Variants in SMIM36 observed in about 807,000 individuals in gnomAD.
The protein encoded by SMIM36 is small integral membrane protein 36.
chr17:55,496,541 C>A (rs1553677), intron 1 of SMIM36, among the ~76,000 whole-genome samples: 1 of 151,986 alleles, frequency 6.6e-6, no homozygotes, highest in African/African-American at 2.4e-5. Context: ...AACTGTACAA[C>A]AGAGGTAGAT....
chr17:55,494,289 G>A (rs959513914), intron 1 of SMIM36, among the ~76,000 whole-genome samples: 3 of 152,054 alleles, frequency 2.0e-5, no homozygotes, highest in East Asian at 1.9e-4. Flanking sequence ...AAAGGACTAG[G>A]ATTTACAAAC....
intron 1 of SMIM36, among the ~76,000 whole-genome samples, chr17:55,497,255 T>C (rs1237062275): frequency 2.6e-5 from 4 of 152,014 alleles, no homozygotes; most frequent in Middle Eastern, 3.2e-3. Context: ...TCTACCTTCT[T>C]ATTTATTTAT....
At chr17:55,511,164 G>A in exon 1 of SMIM36, 1 of 398,638 alleles carries the variant, frequency 2.5e-6, no homozygotes, top group Non-Finnish European at 4.4e-6. Context: ...CCAACCGGAT[G>A]GAGGGCTGGG....
rs1219201863 is a variant in SMIM36 at position 55,488,759 on chromosome 17, AG to A, written c.*175-9180del. ...TATAGACTTACTCAACTTTTTCCAT[AG>A]AGGACATTTTTGCAAGTGGACCTGC... On this transcript the variant is annotated intron_variant, in intron 1 of 4. Coordinates refer to ENST00000636752, the Ensembl canonical transcript of SMIM36. 2.6e-5 allele frequency among the ~76,000 whole-genome samples: 4 copies of A among 152,302 alleles called. No individual in the cohort carries two copies. In the East Asian group the frequency reaches 5.8e-4, roughly 22 times the overall value.
intron 4 of SMIM36, among the ~76,000 whole-genome samples, chr17:55,460,456 A>C (rs917648844): frequency 6.9e-6 from 1 of 145,782 alleles, no homozygotes; most frequent in African/African-American, 2.7e-5. Flanking sequence ...ACAAAACAAA[A>C]AAAAAGAACA....
intron 1 of SMIM36, among the ~76,000 whole-genome samples, chr17:55,509,190 T>C (rs1279936356): frequency 6.6e-6 from 1 of 152,184 alleles, no homozygotes; most frequent in African/African-American, 2.4e-5. Context: ...CAGGGCAGGC[T>C]GGCCAGGCCC....
At chr17:55,494,538 A>T (rs1264717266) in intron 1 of SMIM36, among the ~76,000 whole-genome samples, 1 of 152,150 alleles carries the variant, frequency 6.6e-6, no homozygotes, top group African/African-American at 2.4e-5. Context: ...CCAAGGTGAT[A>T]TGGTGGAGTG....
At chr17:55,488,397 T>C (rs894127149) in intron 1 of SMIM36, among the ~76,000 whole-genome samples, 5 of 152,208 alleles carry the variant, frequency 3.3e-5, no homozygotes, top group African/African-American at 7.2e-5. Flanking sequence ...TGTAGAAAAA[T>C]TGGAAATTAT....
intron 1 of SMIM36, among the ~76,000 whole-genome samples, 191 bp downstream of exon 1, chr17:55,510,688 C>T (rs907474254): frequency 7.5e-5 from 11 of 147,142 alleles, no homozygotes; most frequent in African/African-American, 2.2e-4. Context: ...CATTCCTTAT[C>T]ACACACACGC....
At chr17:55,529,789 C>T in the SMIM36 span, among the ~76,000 whole-genome samples, 18 of 147,398 alleles carry the variant, frequency 1.2e-4, no homozygotes, top group Admixed American at 8.6e-4. Flanking sequence ...AGACCCTGTC[C>T]GAAAAACAAA....
intron 4 of SMIM36, chr17:55,458,422 G>A (rs2143233834): frequency 6.6e-6 from 1 of 152,334 alleles, no homozygotes; most frequent in South Asian, 2.1e-4. Context: ...GGGAAGTGCA[G>A]GGTAGAGGAG....
At chr17:55,522,277 G>T in the SMIM36 span, among the ~76,000 whole-genome samples, 202 of 152,282 alleles carry the variant, frequency 1.3e-3, no homozygotes, top group African/African-American at 4.3e-3. Context: ...CTGGTTCCCT[G>T]CTTCCTTCAG....
chr17:55,489,989 T>C (rs1455926420), intron 1 of SMIM36, among the ~76,000 whole-genome samples: 1 of 151,872 alleles, frequency 6.6e-6, no homozygotes, highest in African/African-American at 2.4e-5. Flanking sequence ...GCTGTGACTA[T>C]AGGCGCCTGC....
intron 4 of SMIM36, among the ~76,000 whole-genome samples, chr17:55,461,407 C>A (rs1474628657): frequency 1.3e-5 from 2 of 152,094 alleles, no homozygotes; most frequent in Non-Finnish European, 2.9e-5. Flanking sequence ...TGTACAATCC[C>A]ATTTACAGGA....
At chr17:55,482,901 A>G (rs931137730) in intron 1 of SMIM36, among the ~76,000 whole-genome samples, 18 of 152,350 alleles carry the variant, frequency 1.2e-4, no homozygotes, top group African/African-American at 4.3e-4. Flanking sequence ...TGAACATTGT[A>G]ATGCAGCATT....
chr17:55,521,910 C>T, the SMIM36 span, among the ~76,000 whole-genome samples: 1 of 150,238 alleles, frequency 6.7e-6, no homozygotes, highest in Non-Finnish European at 1.5e-5. Context: ...ATTAATGCAA[C>T]TAGCATACCT....
At chr17:55,458,813 G>A (rs1909081364) in intron 4 of SMIM36, among the ~76,000 whole-genome samples, 1 of 152,058 alleles carries the variant, frequency 6.6e-6, no homozygotes, top group Non-Finnish European at 1.5e-5. Flanking sequence ...CTCCCTTGTG[G>A]ATCCTCCGTC....
intron 1 of SMIM36, among the ~76,000 whole-genome samples, chr17:55,488,463 G>A (rs1909645450): frequency 6.6e-6 from 1 of 152,172 alleles, no homozygotes; most frequent in African/African-American, 2.4e-5. Context: ...TACTGTGCAT[G>A]CAATTTTAGG....
chr17:55,491,925 C>T (rs552940222), intron 1 of SMIM36, among the ~76,000 whole-genome samples: 18 of 152,118 alleles, frequency 1.2e-4, no homozygotes, highest in African/African-American at 3.9e-4. Context: ...TTCCGGAGGC[C>T]GAGGTGGGGG....
Sources: gnomAD v4.1 joint callset for allele counts (sites outside exome capture counted in the v4.1 genomes callset) on GRCh38, gnomAD v4.1.1 for gene constraint, MANE v1.5 for transcripts, NCBI Gene and HGNC (gene_info 2026-07-23, HGNC 2026-07-21) for gene names.